CDH10: variants seen among roughly 807,000 people sequenced by gnomAD.
CDH10 encodes cadherin-10.
Under a neutral mutation model 73.1 loss-of-function variants are expected in CDH10, and 30 were observed. The observed-to-expected ratio is 0.41, with a 90% CI of 0.31 to 0.56. The LOEUF (loss-of-function observed/expected upper bound fraction) is 0.56. CDH10 is among the 20% of genes least tolerant of loss of function. The pLI is 0.27. For synonymous variants in CDH10, 345 were observed against 348.2 expected, an observed-to-expected ratio of 0.99 and a Z score of 0.10; for missense variants, 815 against 973.7, an observed-to-expected ratio of 0.84 and a Z score of 2.17.
intron 5 of CDH10, among the ~76,000 whole-genome samples, chr5:24,525,335 A>G (rs1401052037): frequency 6.6e-6 from 1 of 152,064 alleles, no homozygotes. Flanking sequence ...TGAAAAAGGC[A>G]TCATATATAT....
At chr5:24,506,048 G>T (rs1392223757) in intron 7 of CDH10, among the ~76,000 whole-genome samples, 1 of 151,622 alleles carries the variant, frequency 6.6e-6, no homozygotes, top group East Asian at 1.9e-4. Context: ...CAGAGGCGGA[G>T]GTTGCAGTGA....
chr5:24,509,538 T>A (rs2111749124), intron 7 of CDH10, 28 bp downstream of exon 7: 1 of 1,609,638 alleles, frequency 6.2e-7, no homozygotes, highest in Non-Finnish European at 8.5e-7. Context: ...CGAGCCCGGC[T>A]GTTTTCATTT....
intron 1 of CDH10, among the ~76,000 whole-genome samples, chr5:24,619,669 T>C (rs1747245406): frequency 6.6e-6 from 1 of 152,228 alleles, no homozygotes; most frequent in Non-Finnish European, 1.5e-5. Context: ...ATTGTCTGAA[T>C]ATTTATGTTC....
intron 1 of CDH10, among the ~76,000 whole-genome samples, chr5:24,625,631 A>G (rs1373173740): frequency 1.3e-5 from 2 of 149,350 alleles, no homozygotes; most frequent in African/African-American, 4.9e-5. Flanking sequence ...ATATGAATAT[A>G]TATGTGTATA....
At chr5:24,624,653 G>A (rs1185454156) in intron 1 of CDH10, among the ~76,000 whole-genome samples, 1 of 152,090 alleles carries the variant, frequency 6.6e-6, no homozygotes. Flanking sequence ...ATGGAATTTA[G>A]AACCAATTCT....
intron 6 of CDH10, among the ~76,000 whole-genome samples, chr5:24,510,721 T>C (rs1278925595): frequency 2.0e-5 from 3 of 152,242 alleles, no homozygotes; most frequent in Non-Finnish European, 4.4e-5. Flanking sequence ...ACTCTATGTA[T>C]GGCATTTCAT....
At chr5:24,602,943 G>A (rs1432871337) in intron 1 of CDH10, among the ~76,000 whole-genome samples, 1 of 152,064 alleles carries the variant, frequency 6.6e-6, no homozygotes, top group East Asian at 1.9e-4. Flanking sequence ...TCGCTATCCT[G>A]ATTTCTTTTC....
At chr5:24,546,651 T>C (rs1018409623) in intron 2 of CDH10, among the ~76,000 whole-genome samples, 7 of 152,184 alleles carry the variant, frequency 4.6e-5, no homozygotes, top group African/African-American at 1.7e-4. Flanking sequence ...TGGGTATACA[T>C]ATATAATTTG....
At chr5:24,643,241 CTCTT>C (rs1391843369) in intron 1 of CDH10, among the ~76,000 whole-genome samples, 2 of 151,962 alleles carry the variant, frequency 1.3e-5, no homozygotes, top group Non-Finnish European at 2.9e-5. Flanking sequence ...AGGACATAAC[CTCTT>C]TCTTTCTTCT....
chr5:24,616,256 T>TA (rs996647652), intron 1 of CDH10, among the ~76,000 whole-genome samples: 33 of 152,314 alleles, frequency 2.2e-4, no homozygotes, highest in Admixed American at 9.8e-4. Context: ...AAATGTTCAT[T>TA]AATTAAGGAA....
intron 7 of CDH10, among the ~76,000 whole-genome samples, chr5:24,507,780 C>A (rs575629599): frequency 6.6e-6 from 1 of 151,792 alleles, no homozygotes; most frequent in African/African-American, 2.4e-5. Flanking sequence ...AAAAAAAACA[C>A]AAGGAATGCA....
At chr5:24,573,232 A>T (rs1031017554) in intron 2 of CDH10, among the ~76,000 whole-genome samples, 1 of 152,050 alleles carries the variant, frequency 6.6e-6, no homozygotes, top group Non-Finnish European at 1.5e-5. Flanking sequence ...ACATGATTGT[A>T]AACAGTTAAA....
chr5:24,556,009 T>C (rs1419755093), intron 2 of CDH10, among the ~76,000 whole-genome samples: 1 of 152,154 alleles, frequency 6.6e-6, no homozygotes, highest in Admixed American at 6.6e-5. Flanking sequence ...GTTTTGCTTA[T>C]GTTATTAGCA....
chr5:24,593,541 T>G lies in CDH10; in HGVS notation c.-51A>C, dbSNP rs1277261215. On this transcript the variant is annotated 5_prime_UTR_variant, in exon 2 of 12. Transcript: ENST00000264463. ...GTAGATGAAGAGAAGTGGTCCTATT[T>G]TACCCAGTTGGTTTTACTGTGTTTC... 1 of 1,051,326 alleles carries G rather than the reference T, an allele frequency of 9.5e-7. No individual in the cohort carries two copies. The highest frequency in any genetic ancestry group is 1.6e-5 in the African/African-American group (1 of 63,308). The allele number at this position is 1,051,326 out of a possible 1,614,324, so 65.1% of individuals were successfully genotyped here. A position where few individuals can be genotyped will look rare whatever the true frequency, so the allele number is the denominator to read the frequency against.
chr5:24,544,194 T>C (rs1163391389), intron 2 of CDH10, among the ~76,000 whole-genome samples: 1 of 152,000 alleles, frequency 6.6e-6, no homozygotes, highest in African/African-American at 2.4e-5. Flanking sequence ...CGTGGGAGGT[T>C]AAGGCAGGAG....
Position 24,487,549 on chromosome 5 carries a change from GAA to G in CDH10, c.*112_*113del. ...AATGAACAAATTAAGAAGTAAATGA[GAA>G]AAAAAATTGTGCTGACTGGCAGGAA... On this transcript the variant is annotated 3_prime_UTR_variant, in exon 12 of 12. Transcript: ENST00000264463. 1.0e-6 allele frequency: 1 copy of G among 981,636 alleles called. No homozygotes were observed. Among genetic ancestry groups the G allele is most frequent in the Non-Finnish European group, 1.5e-6 (1 of 651,926 alleles). The allele number at this position is 981,636 out of a possible 1,614,324, so 60.8% of individuals were successfully genotyped here. A position where few individuals can be genotyped will look rare whatever the true frequency, so the allele number is the denominator to read the frequency against.
At chr5:24,603,826 C>G (rs1165285733) in intron 1 of CDH10, among the ~76,000 whole-genome samples, 1 of 151,878 alleles carries the variant, frequency 6.6e-6, no homozygotes, top group East Asian at 1.9e-4. Context: ...CTAGCCAAAG[C>G]AGTGAGGCAA....
intron 2 of CDH10, among the ~76,000 whole-genome samples, chr5:24,569,382 G>A (rs895932014): frequency 2.6e-5 from 4 of 151,996 alleles, no homozygotes; most frequent in Non-Finnish European, 5.9e-5. Context: ...TACATATTAT[G>A]CTGTGGTTGT....
chr5:24,506,915 A>G (rs984547465), intron 7 of CDH10, among the ~76,000 whole-genome samples: 2 of 152,222 alleles, frequency 1.3e-5, no homozygotes, highest in Non-Finnish European at 2.9e-5. Context: ...AGAATGAAGA[A>G]GTAATGACAA....
Sources: gnomAD v4.1 joint callset for allele counts (sites outside exome capture counted in the v4.1 genomes callset) on GRCh38, gnomAD v4.1.1 for gene constraint, MANE v1.5 for transcripts, NCBI Gene and HGNC (gene_info 2026-07-23, HGNC 2026-07-21) for gene names.